FSTL4: variants seen among roughly 807,000 people sequenced by gnomAD.
FSTL4 encodes follistatin like 4, also known as follistatin-related protein 4.
In FSTL4, 28 loss-of-function variants were observed where a neutral mutation model predicts 78.2. The ratio of observed to expected loss-of-function variants is 0.36; its 90% CI spans 0.27 to 0.49. The LOEUF (loss-of-function observed/expected upper bound fraction) is 0.49. Among genes scored for constraint, FSTL4 ranks in the 20% least tolerant of loss-of-function variants. FSTL4 has a pLI of 0.98. For missense variants in FSTL4, 922 were observed against 1,084.9 expected (o/e 0.85, Z 2.11); for synonymous variants, 422 against 440.5 (o/e 0.96, Z 0.53).
chr5:133,282,658 C>T (rs1007076325), intron 6 of FSTL4, among the ~76,000 whole-genome samples: 8 of 152,128 alleles, frequency 5.3e-5, no homozygotes, highest in African/African-American at 1.7e-4. Context: ...GCTGGGACTG[C>T]TCTGGTGTAC....
chr5:133,841,613 T>G, the FSTL4 span, among the ~76,000 whole-genome samples: 50 of 152,280 alleles, frequency 3.3e-4, 1 homozygote, highest in African/African-American at 1.2e-3. Context: ...AGATGGTGGT[T>G]GTTGTTGACA....
the FSTL4 span, among the ~76,000 whole-genome samples, chr5:133,779,515 G>A: frequency 2.0e-5 from 3 of 152,230 alleles, no homozygotes; most frequent in East Asian, 5.8e-4. Context: ...GAACCTGGGA[G>A]GCGGAGGTTG....
At chr5:133,826,191 G>A in the FSTL4 span, among the ~76,000 whole-genome samples, 36 of 152,242 alleles carry the variant, frequency 2.4e-4, no homozygotes, top group Non-Finnish European at 4.9e-4. Context: ...TGTCACCAGA[G>A]GCCTGGAGAG....
intron 3 of FSTL4, among the ~76,000 whole-genome samples, chr5:133,542,067 C>A (rs528217393): frequency 6.6e-6 from 1 of 152,196 alleles, no homozygotes; most frequent in Non-Finnish European, 1.5e-5. Context: ...AGTGAAAAAC[C>A]TTGCTCGCAT....
the FSTL4 span, among the ~76,000 whole-genome samples, chr5:133,670,652 G>A: frequency 1.3e-5 from 2 of 152,214 alleles, no homozygotes; most frequent in African/African-American, 4.8e-5. Context: ...ACATGCTGAG[G>A]GTGTGGGAGA....
the FSTL4 span, among the ~76,000 whole-genome samples, chr5:133,675,258 A>G: frequency 1.3e-5 from 2 of 152,236 alleles, no homozygotes; most frequent in Admixed American, 1.3e-4. Context: ...AGAGCTGGGC[A>G]TGGAAATGGG....
At chr5:133,831,119 C>A in the FSTL4 span, among the ~76,000 whole-genome samples, 5 of 152,136 alleles carry the variant, frequency 3.3e-5, no homozygotes, top group African/African-American at 9.7e-5. Context: ...TTCCACACAG[C>A]CCATGAGCCA....
the FSTL4 span, among the ~76,000 whole-genome samples, chr5:133,730,151 T>C: frequency 3.9e-5 from 6 of 152,176 alleles, no homozygotes; most frequent in African/African-American, 1.4e-4. Flanking sequence ...ATTTCCCATA[T>C]ATGGACAGAC....
At chr5:133,315,148 C>G (rs1238221091) in intron 5 of FSTL4, among the ~76,000 whole-genome samples, 1 of 152,110 alleles carries the variant, frequency 6.6e-6, no homozygotes, top group African/African-American at 2.4e-5. Flanking sequence ...GGTGACAGAG[C>G]GAGACCATGT....
At chr5:133,802,355 C>T in the FSTL4 span, among the ~76,000 whole-genome samples, 1 of 152,188 alleles carries the variant, frequency 6.6e-6, no homozygotes, top group Non-Finnish European at 1.5e-5. Flanking sequence ...GTGTTTTCAA[C>T]ATAAAACCCA....
the FSTL4 span, among the ~76,000 whole-genome samples, chr5:133,819,534 G>A: frequency 1.3e-5 from 2 of 152,114 alleles, no homozygotes; most frequent in Non-Finnish European, 2.9e-5. Flanking sequence ...TGAACTGTAG[G>A]CTATAATTTA....
chr5:133,415,575 G>C (rs1186986917), intron 3 of FSTL4, among the ~76,000 whole-genome samples: 1 of 152,080 alleles, frequency 6.6e-6, no homozygotes, highest in Non-Finnish European at 1.5e-5. Context: ...TCATAGTAAA[G>C]AGGAGGTGGC....
the FSTL4 span, among the ~76,000 whole-genome samples, chr5:133,817,368 C>G: frequency 6.6e-6 from 1 of 152,182 alleles, no homozygotes; most frequent in African/African-American, 2.4e-5. Context: ...AAACAGAAGC[C>G]ATTCTAGGTC....
Position 133,225,135 on chromosome 5 carries a change from C to A in FSTL4, c.1312+15G>T, listed in dbSNP as rs368390557. 4.3e-6 allele frequency: 7 copies of A among 1,614,150 alleles called. No homozygotes were observed. Among genetic ancestry groups the A allele is most frequent in the Non-Finnish European group, 5.9e-6 (7 of 1,180,002 alleles). On this transcript the variant is annotated intron_variant, in intron 10 of 15. Coordinates refer to ENST00000265342, the MANE Select transcript of FSTL4 (RefSeq NM_015082.2). The surrounding 1 kb of genome is among the most constrained non-coding windows in gnomAD (Gnocchi z 4.6). Reference sequence around the variant, plus strand: ...CAGCCAGCTCAGTGAGAAGCATAAACGCGTGTCGACTTACGGGTCTTTCTA... The same window carrying A: ...CAGCCAGCTCAGTGAGAAGCATAAAAGCGTGTCGACTTACGGGTCTTTCTA...
At chr5:133,479,197 C>T (rs1272078434) in intron 3 of FSTL4, among the ~76,000 whole-genome samples, 2 of 152,318 alleles carry the variant, frequency 1.3e-5, no homozygotes, top group East Asian at 1.9e-4. Context: ...GCCTGCATGA[C>T]AATCCCATGA....
the FSTL4 span, among the ~76,000 whole-genome samples, chr5:133,752,276 A>AG: frequency 6.6e-6 from 1 of 152,216 alleles, no homozygotes; most frequent in African/African-American, 2.4e-5. Flanking sequence ...CTTATGATTA[A>AG]GCCAGCACTA....
chr5:133,654,713 C>G, the FSTL4 span, among the ~76,000 whole-genome samples: 1 of 152,250 alleles, frequency 6.6e-6, no homozygotes, highest in East Asian at 1.9e-4. Context: ...ATGGGGATAC[C>G]AGGCAAGGGT....
chr5:133,661,057 C>G, the FSTL4 span, among the ~76,000 whole-genome samples: 1 of 152,192 alleles, frequency 6.6e-6, no homozygotes, highest in Non-Finnish European at 1.5e-5. Flanking sequence ...ATGGCACGAG[C>G]TCAGCTCATT....
chr5:133,601,914 G>A (rs371548815), intron 2 of FSTL4, among the ~76,000 whole-genome samples: 3 of 151,598 alleles, frequency 2.0e-5, no homozygotes, highest in African/African-American at 7.3e-5. Flanking sequence ...GAACTCCTGG[G>A]CTCAAGTGAT....
Sources: allele counts gnomAD v4.1 joint callset (sites outside exome capture counted in the v4.1 genomes callset), GRCh38; gene constraint gnomAD v4.1.1; non-coding constraint Gnocchi (gnomAD v3.1); transcripts MANE v1.5; gene names NCBI Gene and HGNC (gene_info 2026-07-23, HGNC 2026-07-21).